Variants in CYP19A1 observed in about 807,000 individuals in gnomAD.
CYP19A1 encodes the protein cytochrome P450 family 19 subfamily A member 1, also known as aromatase.
Under a neutral mutation model 44.4 loss-of-function variants are expected in CYP19A1, and 32 were observed. That is an observed-to-expected ratio of 0.72 (90% CI 0.54 to 0.97). The LOEUF is 0.97. Ranked by LOEUF, CYP19A1 falls within the 50% of genes least tolerant of loss-of-function variation. The probability of loss-of-function intolerance (pLI) is 0.00; values close to 1 mark genes in which losing one functional copy is unlikely to be tolerated. For synonymous variants in CYP19A1, 212 were observed against 215.6 expected, an observed-to-expected ratio of 0.98 and a Z score of 0.14; for missense variants, 598 against 637.8, an observed-to-expected ratio of 0.94 and a Z score of 0.67.
chr15:51,265,452 G>A (rs2034881894), intron 1 of CYP19A1, among the ~76,000 whole-genome samples: 1 of 152,226 alleles, frequency 6.6e-6, no homozygotes. Context: ...GATGGGGACA[G>A]ATAGAAAGTC....
chr15:51,245,859 T>C (rs1410524090), intron 1 of CYP19A1, among the ~76,000 whole-genome samples: 2 of 152,234 alleles, frequency 1.3e-5, no homozygotes, highest in Non-Finnish European at 2.9e-5. Context: ...GTTAAGCAGC[T>C]TGCCCTAGGG....
rs568854911 is a variant in CYP19A1 at position 51,249,844 on chromosome 15, A to AG, written c.-38-6895dup. On this transcript the variant is annotated intron_variant, in intron 1 of 9. Transcript: ENST00000396402. Reference sequence around the variant, plus strand: ...GTCAATAGTTACTTAAAAGCAGGGAAGGTTCACCCAAGTGCACATTCTGTG... The same window carrying AG: ...GTCAATAGTTACTTAAAAGCAGGGAAGGGTTCACCCAAGTGCACATTCTGTG... 6.7e-4 allele frequency among the ~76,000 whole-genome samples: 102 copies of AG among 152,336 alleles called. 1 individual carries two copies. The East Asian group carries it at 0.015, about 23-fold the overall frequency.
intron 1 of CYP19A1, among the ~76,000 whole-genome samples, chr15:51,313,557 G>T (rs1374223847): frequency 1.3e-5 from 2 of 152,208 alleles, no homozygotes; most frequent in African/African-American, 4.8e-5. Context: ...AGCACTTTGG[G>T]AGGCTGAGGT....
intron 1 of CYP19A1, among the ~76,000 whole-genome samples, chr15:51,315,447 C>T (rs1021770843): frequency 1.3e-5 from 2 of 152,026 alleles, no homozygotes; most frequent in Non-Finnish European, 2.9e-5. Context: ...CTGCAATCTT[C>T]ATTTCATTTT....
At chr15:51,229,263 G>C (rs2032837182) in intron 3 of CYP19A1, among the ~76,000 whole-genome samples, 1 of 151,714 alleles carries the variant, frequency 6.6e-6, no homozygotes, top group Non-Finnish European at 1.5e-5. Flanking sequence ...GGTAGTGTGT[G>C]CCTGTAGTCC....
At chr15:51,324,537 GTTC>G (rs1299854481) in intron 1 of CYP19A1, among the ~76,000 whole-genome samples, 2 of 152,224 alleles carry the variant, frequency 1.3e-5, no homozygotes, top group Non-Finnish European at 2.9e-5. Context: ...GTTAGAACCA[GTTC>G]TTCTAATCCA....
chr15:51,314,683 G>A (rs957604296), intron 1 of CYP19A1, among the ~76,000 whole-genome samples: 3 of 152,094 alleles, frequency 2.0e-5, no homozygotes, highest in South Asian at 2.1e-4. Context: ...TACCCATGTC[G>A]GAGACCCAGC....
chr15:51,231,596 G>T (rs954003180), intron 3 of CYP19A1, among the ~76,000 whole-genome samples: 3 of 151,616 alleles, frequency 2.0e-5, no homozygotes, highest in African/African-American at 7.3e-5. Context: ...GTTGAAGTGG[G>T]CTGGGAAAAA....
chr15:51,295,147 T>G (rs2140994250), intron 1 of CYP19A1, among the ~76,000 whole-genome samples: 1 of 152,020 alleles, frequency 6.6e-6, no homozygotes. Context: ...TTTTTTTTTT[T>G]TTTTTTTTAA....
chr15:51,291,560 G>C (rs959291753), intron 1 of CYP19A1, among the ~76,000 whole-genome samples: 1 of 152,172 alleles, frequency 6.6e-6, no homozygotes, highest in African/African-American at 2.4e-5. Context: ...TCCAACCTAG[G>C]TGTATGACTC....
chr15:51,299,144 C>T (rs2140999175), intron 1 of CYP19A1, among the ~76,000 whole-genome samples: 1 of 152,354 alleles, frequency 6.6e-6, no homozygotes, highest in African/African-American at 2.4e-5. Context: ...TGTTGATGGG[C>T]ATCTTCTGTC....
At position 51,262,808 on chromosome 15, in the gene CYP19A1, G is replaced by C. The variant is rs147499530; in HGVS notation, c.-38-19858C>G. On this transcript the variant is annotated intron_variant, in intron 1 of 9. Coordinates refer to ENST00000396402, the MANE Select transcript of CYP19A1 (RefSeq NM_000103.4). ...CTTGCTTTGGCCTTTGGCAGACAGA[G>C]CATGAACCCATTGGGTAGGAATTGA... Among the ~76,000 whole-genome samples the C allele has an allele frequency of 2.5e-3, 388 of 152,310 alleles. 1 individual carries two copies. The highest frequency in any genetic ancestry group is 0.017 in the Middle Eastern group (5 of 294).
Position 51,222,240 on chromosome 15 carries a change from C to A in CYP19A1, c.628+109G>T, listed in dbSNP as rs984341758. The stretch of plus-strand genomic sequence containing the variant: ...CGAGGAGTACTTAGAAATGTTTAAA[C>A]AAGAGCAATGTAGAAAATGGCATGT... On this transcript the variant is annotated intron_variant, in intron 5 of 9. Transcript: ENST00000396402. The A allele has an allele frequency of 5.1e-6, 8 of 1,579,024 alleles. No homozygotes were observed. The Admixed American group carries it at 7.2e-5, about 14-fold the overall frequency.
At chr15:51,283,410 A>AG (rs1288336332) in intron 1 of CYP19A1, among the ~76,000 whole-genome samples, 1 of 152,192 alleles carries the variant, frequency 6.6e-6, no homozygotes, top group Non-Finnish European at 1.5e-5. Context: ...GCTAGAGCCG[A>AG]GGGAGACCTT....
intron 1 of CYP19A1, among the ~76,000 whole-genome samples, chr15:51,316,657 T>C (rs2036431152): frequency 6.6e-6 from 1 of 150,922 alleles, no homozygotes; most frequent in Non-Finnish European, 1.5e-5. Context: ...AGTGGGTGCA[T>C]TGCTTGAGCC....
In CYP19A1 at chr15:51,210,951, G is replaced by A. The variant is rs72552260; in HGVS notation, c.1369C>T (p.Arg457Ter). 13 of 1,607,984 alleles carry A rather than the reference G, an allele frequency of 8.1e-6. No individual in the cohort carries two copies. Among genetic ancestry groups the A allele is most frequent in the East Asian group, 6.7e-5 (3 of 44,848 alleles). Reference sequence around the variant, plus strand: ...CCTTGCAATGTCTTCACGTGGAATCGTCTCAGAAGTGTAACGAGGATGGCT... The same window carrying A: ...CCTTGCAATGTCTTCACGTGGAATCATCTCAGAAGTGTAACGAGGATGGCT... ...MKAILVTLLR[R>*]FHVKTLQGQC... Residue 457 changes from arginine to a stop codon, truncating the protein, a stop_gained, in exon 10 of 10, where the codon CGA becomes TGA. Coordinates refer to ENST00000396402, the MANE Select transcript of CYP19A1 (RefSeq NM_000103.4). LOFTEE classifies it low-confidence loss of function (END_TRUNC).
At chr15:51,263,110 A>G (rs537076371) in intron 1 of CYP19A1, among the ~76,000 whole-genome samples, 2 of 152,346 alleles carry the variant, frequency 1.3e-5, no homozygotes, top group South Asian at 2.1e-4. Context: ...AAAGAACTCA[A>G]GAATTTAGAA....
intron 1 of CYP19A1, among the ~76,000 whole-genome samples, chr15:51,330,369 TA>T (rs765785618): frequency 5.9e-5 from 9 of 152,120 alleles, no homozygotes; most frequent in Non-Finnish European, 1.2e-4. Context: ...AGAAGGGGCA[TA>T]AGAAATGTCA....
At chr15:51,250,033 C>A (rs1246396734) in intron 1 of CYP19A1, among the ~76,000 whole-genome samples, 1 of 152,210 alleles carries the variant, frequency 6.6e-6, no homozygotes, top group African/African-American at 2.4e-5. Flanking sequence ...GTGTGGACTA[C>A]CTTCAGGGCA....
Sources: gnomAD v4.1 joint callset for allele counts (sites outside exome capture counted in the v4.1 genomes callset) on GRCh38, gnomAD v4.1.1 for gene constraint, MANE v1.5 for transcripts, NCBI Gene and HGNC (gene_info 2026-07-23, HGNC 2026-07-21) for gene names.